Variants in TM9SF4 observed in about 807,000 individuals in gnomAD.
TM9SF4 encodes transmembrane 9 superfamily member 4.
TM9SF4 carries 26 observed loss-of-function variants against 90.4 expected under a neutral mutation model. That is an observed-to-expected ratio of 0.29 (90% confidence interval 0.21 to 0.40). TM9SF4 has a LOEUF of 0.40. Ranked by LOEUF, TM9SF4 falls within the 10% of genes least tolerant of loss-of-function variation. TM9SF4 has a pLI of 1.00. For synonymous variants in TM9SF4, 293 were observed against 315.4 expected (o/e 0.93, Z 0.75); for missense variants, 549 against 834.8 (o/e 0.66, Z 4.22).
intron 1 of TM9SF4, among the ~76,000 whole-genome samples, chr20:32,117,797 T>C (rs1436410951): frequency 6.6e-6 from 1 of 152,218 alleles, no homozygotes; most frequent in East Asian, 1.9e-4. Context: ...CTTGATATGC[T>C]GCCTTTGAGG....
At chr20:32,118,068 A>G (rs1218329429) in intron 1 of TM9SF4, among the ~76,000 whole-genome samples, 15 of 152,224 alleles carry the variant, frequency 9.9e-5, no homozygotes, top group African/African-American at 2.9e-4. Context: ...AACATCCTCT[A>G]TCAGGCTATC....
intron 6 of TM9SF4, among the ~76,000 whole-genome samples, chr20:32,144,045 A>G (rs1224075531): frequency 6.6e-6 from 1 of 152,100 alleles, no homozygotes; most frequent in Non-Finnish European, 1.5e-5. Flanking sequence ...TCCTGGGTTC[A>G]AGCAATTCTC....
chr20:32,124,886 C>T (rs2046396501), intron 1 of TM9SF4, among the ~76,000 whole-genome samples: 1 of 152,182 alleles, frequency 6.6e-6, no homozygotes, highest in Non-Finnish European at 1.5e-5. Flanking sequence ...CGCACCCAGC[C>T]CTACAAATTG....
intron 13 of TM9SF4, among the ~76,000 whole-genome samples, chr20:32,156,604 TA>T (rs1265417313): frequency 6.6e-6 from 1 of 152,262 alleles, no homozygotes; most frequent in Non-Finnish European, 1.5e-5. Flanking sequence ...TGTATTGTTG[TA>T]TTTTTTGTTT....
chr20:32,137,082 A>T (rs1206059964), intron 3 of TM9SF4: 2 of 454,414 alleles, frequency 4.4e-6, no homozygotes, highest in Non-Finnish European at 8.8e-6. Context: ...CCTAATACCA[A>T]CTGTGCCGAA....
At chr20:32,163,268 A>AATATATATATATATATATATATAT (rs1186662308) in intron 17 of TM9SF4, among the ~76,000 whole-genome samples, 1 of 74,476 alleles carries the variant, frequency 1.3e-5, no homozygotes, top group African/African-American at 5.9e-5. Context: ...AAAAAAAAAA[A>AATATATATATATATATATATATAT]ATATATATAT....
intron 1 of TM9SF4, among the ~76,000 whole-genome samples, chr20:32,122,163 C>A (rs549989986): frequency 8.1e-4 from 116 of 142,382 alleles, no homozygotes; most frequent in Middle Eastern, 4.4e-3. Context: ...GGGGGTGACC[C>A]CCCCACCTCC....
chr20:32,134,014 A>C (rs1384957287), intron 2 of TM9SF4, among the ~76,000 whole-genome samples: 5 of 146,660 alleles, frequency 3.4e-5, no homozygotes, highest in Admixed American at 1.4e-4. Context: ...AGGTCTCACT[A>C]TGTTGCACAG....
At chr20:32,111,120 G>A (rs1388529351) in intron 1 of TM9SF4, among the ~76,000 whole-genome samples, 1 of 152,216 alleles carries the variant, frequency 6.6e-6, no homozygotes, top group African/African-American at 2.4e-5. Flanking sequence ...TTTGTTTAAT[G>A]AGGGATTCCT....
chr20:32,138,779 G>T (rs73906749), intron 3 of TM9SF4, among the ~76,000 whole-genome samples: 2 of 152,204 alleles, frequency 1.3e-5, no homozygotes, highest in Non-Finnish European at 2.9e-5. Flanking sequence ...CTGCAGCCCT[G>T]TTCCTCTCTG....
chr20:32,121,245 C>T (rs1600781681), intron 1 of TM9SF4, among the ~76,000 whole-genome samples: 1 of 139,952 alleles, frequency 7.1e-6, no homozygotes, highest in East Asian at 2.1e-4. Flanking sequence ...GGGTGTTTCT[C>T]ACAGAGGGGG....
At chr20:32,125,681 C>CTTTTTTTTTT (rs11470673) in intron 1 of TM9SF4, among the ~76,000 whole-genome samples, 13 of 108,944 alleles carry the variant, frequency 1.2e-4, no homozygotes, top group South Asian at 5.6e-4. Flanking sequence ...TCTCTTTTTT[C>CTTTTTTTTTT]TTTTTTTTTT....
chr20:32,155,057 G>C (rs768260861), intron 12 of TM9SF4, 46 bp from the exon 13 acceptor site: 4 of 1,534,748 alleles, frequency 2.6e-6, no homozygotes, highest in Non-Finnish European at 3.6e-6. Flanking sequence ...GACAGGTAGG[G>C]GAGGTCCCTG....
intron 6 of TM9SF4, among the ~76,000 whole-genome samples, chr20:32,144,238 C>T (rs2046726854): frequency 6.6e-6 from 1 of 152,206 alleles, no homozygotes; most frequent in South Asian, 2.1e-4. Context: ...GCCACCGCGC[C>T]CAGCTCACCA....
intron 2 of TM9SF4, 96 bp downstream of exon 2, chr20:32,133,222 A>G (rs2046546077): frequency 9.0e-7 from 1 of 1,111,190 alleles, no homozygotes; most frequent in East Asian, 2.5e-5. Context: ...GTTGCAGAGA[A>G]GAAAGAATAG....
chr20:32,141,542 T>G lies in TM9SF4; in HGVS notation c.275T>G (p.Val92Gly). Reference sequence around the variant, plus strand: ...CGGATTGTCAACACCCCTTTCCAGGTTCTCATGAACAGCGAGAAGAAGTGT... The same window carrying G: ...CGGATTGTCAACACCCCTTTCCAGGGTCTCATGAACAGCGAGAAGAAGTGT... ...GDRIVNTPFQ[V>G]LMNSEKKCEV... The change falls in exon 4 of 18, where the codon GTT (valine) becomes GGT (glycine). Residue 92 changes from valine to glycine, a missense_variant. Physicochemically the swap from Val to Gly is moderately radical, Grantham distance 109. This residue lies in a region of TM9SF4 where 495 missense variants were observed against 711.7 expected (regional missense o/e 0.70). Transcript: ENST00000398022. 6.2e-7 allele frequency: 1 copy of G among 1,613,818 alleles called. No individual in the cohort carries two copies.
intron 1 of TM9SF4, among the ~76,000 whole-genome samples, chr20:32,130,121 T>C (rs1011912296): frequency 7.2e-5 from 11 of 152,214 alleles, no homozygotes; most frequent in African/African-American, 2.7e-4. Context: ...ATATCTAAAA[T>C]AGACAGTGCC....
At chr20:32,120,488 C>G (rs902520692) in intron 1 of TM9SF4, among the ~76,000 whole-genome samples, 2 of 147,140 alleles carry the variant, frequency 1.4e-5, no homozygotes, top group South Asian at 4.3e-4. Context: ...TATAGTCTGA[C>G]CTTGGTTAAC....
rs999653335 is a variant in TM9SF4 at position 32,166,747 on chromosome 20, A to C, written c.*1303A>C. On this transcript the variant is annotated 3_prime_UTR_variant, in exon 18 of 18. Transcript: ENST00000398022. ...TCTGCCCACCCGTGCATGTCATCAC[A>C]AACATTTGCTCTTAAGTTACAAGAG... 1.3e-5 allele frequency: 2 copies of C among 152,230 alleles called. No homozygotes were observed. The highest frequency in any genetic ancestry group is 2.9e-5 in the Non-Finnish European group (2 of 68,068). 9.4% of individuals were successfully genotyped at this position (152,230 alleles called of 1,614,324 possible).
Sources: gnomAD v4.1 joint callset for allele counts (sites outside exome capture counted in the v4.1 genomes callset) on GRCh38, gnomAD v4.1.1 for gene constraint, gnomAD v4.1.1 regional missense constraint, MANE v1.5 for transcripts, NCBI Gene and HGNC (gene_info 2026-07-23, HGNC 2026-07-21) for gene names.